The following ECSIT variants were observed in gnomAD, a reference collection of about 807,000 sequenced individuals.
ECSIT encodes evolutionarily conserved signaling intermediate in Toll pathway, mitochondrial.
In ECSIT, 29 loss-of-function variants were observed where a neutral mutation model predicts 36.8. That is an observed-to-expected ratio of 0.79 (90% CI 0.59 to 1.08). The LOEUF (loss-of-function observed/expected upper bound fraction) is 1.08, where lower values mean the gene tolerates loss of function less well. Ranked by LOEUF, ECSIT falls within the 50% of genes least tolerant of loss-of-function variation. ECSIT has a pLI of 0.00. For missense variants in ECSIT, 542 were observed against 581.0 expected (o/e 0.93, Z 0.69); for synonymous variants, 231 against 234.8 (o/e 0.98, Z 0.15).
chr19:11,516,789 G>A (rs899917043), intron 2 of ECSIT, among the ~76,000 whole-genome samples: 4 of 151,524 alleles, frequency 2.6e-5, no homozygotes, highest in South Asian at 4.2e-4. Context: ...AGGCTGAGGC[G>A]GGCAGATCAC....
intron 1 of ECSIT, among the ~76,000 whole-genome samples, chr19:11,520,146 GT>G (rs1972073205): frequency 6.6e-6 from 1 of 151,856 alleles, no homozygotes; most frequent in Non-Finnish European, 1.5e-5. Context: ...TTTATGATTG[GT>G]TTCCTTCACT....
intron 2 of ECSIT, among the ~76,000 whole-genome samples, chr19:11,514,680 C>T (rs958605370): frequency 6.6e-6 from 1 of 152,060 alleles, no homozygotes; most frequent in South Asian, 2.1e-4. Flanking sequence ...CACCACCACA[C>T]CTGGCTAATT....
intron 1 of ECSIT, among the ~76,000 whole-genome samples, chr19:11,527,008 C>T (rs1972229018): frequency 6.6e-6 from 1 of 152,098 alleles, no homozygotes; most frequent in Non-Finnish European, 1.5e-5. Context: ...GTGTGAGCCA[C>T]CACACCCAGC....
chr19:11,519,010 A>T lies in ECSIT; in HGVS notation c.96+65T>A. 7.3e-7 allele frequency: 1 copy of T among 1,362,190 alleles called. No individual in the cohort carries two copies. Among genetic ancestry groups the T allele is most frequent in the Non-Finnish European group, 1.0e-6 (1 of 973,888 alleles). 84.4% of individuals were successfully genotyped at this position (1,362,190 alleles called of 1,614,324 possible). A position where few individuals can be genotyped will look rare whatever the true frequency, so the allele number is the denominator to read the frequency against. On this transcript the variant is annotated intron_variant, in intron 2 of 7. Coordinates refer to ENST00000270517, the MANE Select transcript of ECSIT (RefSeq NM_016581.5). This position sits in a 1 kb window ranked among gnomAD's most constrained non-coding sequence, Gnocchi z 4.4. ...ACTGGCTTCACAGAGTGGATTCTGA[A>T]GGAGTTGGGAGCAAATCCCAAGCTT...
intron 1 of ECSIT, chr19:11,522,094 C>A: frequency 2.8e-6 from 1 of 357,434 alleles, no homozygotes; most frequent in Non-Finnish European, 5.4e-6. Context: ...TGCCAAGTCC[C>A]ACTTCTGGTA....
intron 1 of ECSIT, among the ~76,000 whole-genome samples, chr19:11,521,215 A>G (rs1170429907): frequency 3.3e-5 from 5 of 152,164 alleles, no homozygotes. Flanking sequence ...TTTGACTGTT[A>G]TAACTACTAC....
chr19:11,518,984 A>T, intron 2 of ECSIT, 91 bp downstream of exon 2: 1 of 1,104,070 alleles, frequency 9.1e-7, no homozygotes, highest in South Asian at 1.3e-5. Context: ...GACTCACCAG[A>T]ACTGGCTTCA....
Position 11,513,297 on chromosome 19 carries a change from A to G in ECSIT, c.515-18T>C. The G allele has an allele frequency of 3.1e-6, 5 of 1,606,338 alleles. No individual in the cohort carries two copies. Among genetic ancestry groups the G allele is most frequent in the Non-Finnish European group, 4.3e-6 (5 of 1,173,046 alleles). On this transcript the variant is annotated intron_variant, in intron 3 of 7. Transcript: ENST00000270517. ...CATCACACCTGTGCTGGGCAGATGCAGGCAGAACCTCAGAGATGGAGGGGG... is the reference window on the plus strand; with the variant it reads ...CATCACACCTGTGCTGGGCAGATGCGGGCAGAACCTCAGAGATGGAGGGGG...
At chr19:11,510,475 G>C (rs1971847244) in intron 4 of ECSIT, 1 of 152,078 alleles carries the variant, frequency 6.6e-6, no homozygotes, top group Non-Finnish European at 1.5e-5. Context: ...ACTGTGCCTG[G>C]CTGTATTTTA....
intron 2 of ECSIT, among the ~76,000 whole-genome samples, chr19:11,514,783 A>G (rs1206543405): frequency 2.0e-5 from 3 of 151,530 alleles, no homozygotes; most frequent in African/African-American, 4.9e-5. Context: ...TCCACCTCCC[A>G]AAGTGTTGGG....
intron 3 of ECSIT, among the ~76,000 whole-genome samples, 200 bp from the exon 4 acceptor site, chr19:11,513,479 G>A (rs1053891938): frequency 6.6e-6 from 1 of 151,038 alleles, no homozygotes; most frequent in Non-Finnish European, 1.5e-5. Context: ...GAGTCCAGGA[G>A]TTTGAGAGCA....
intron 2 of ECSIT, among the ~76,000 whole-genome samples, chr19:11,514,684 G>A (rs991402533): frequency 1.6e-4 from 24 of 152,038 alleles, no homozygotes; most frequent in African/African-American, 5.8e-4. Context: ...ACCACACCTG[G>A]CTAATTTTTA....
chr19:11,515,630 T>G (rs1303526462), intron 2 of ECSIT, among the ~76,000 whole-genome samples: 1 of 151,926 alleles, frequency 6.6e-6, no homozygotes, highest in Non-Finnish European at 1.5e-5. Context: ...CTAATTTTTA[T>G]GTTTTGTTTG....
chr19:11,515,823 A>G (rs553583757), intron 2 of ECSIT, among the ~76,000 whole-genome samples: 64 of 152,034 alleles, frequency 4.2e-4, no homozygotes, highest in Non-Finnish European at 7.1e-4. Flanking sequence ...TAGTAGAGAC[A>G]GGGTTTCACC....
Position 11,519,155 on chromosome 19 carries a change from C to T in ECSIT, c.16G>A (p.Ala6Thr). ...CAGAGGCCTCGGGCCAGTAGGGTGG[C>T]CTGGACCCAGCTCATGCCTCTGCTT... MSWVQATLLARGLCRA... is the reference protein window; with the variant it reads MSWVQTTLLARGLCRA... Residue 6 changes from alanine to threonine, a missense_variant, in exon 2 of 8, where the codon GCC becomes ACC. Physicochemically the swap from Ala to Thr is moderately conservative, Grantham distance 58 (BLOSUM62 0). Coordinates refer to ENST00000270517, the MANE Select transcript of ECSIT (RefSeq NM_016581.5). This position sits in a 1 kb window ranked among gnomAD's most constrained non-coding sequence, Gnocchi z 4.4. 1 of 1,550,166 alleles carries T rather than the reference C, an allele frequency of 6.5e-7. No individual in the cohort carries two copies. The highest frequency in any genetic ancestry group is 8.7e-7 in the Non-Finnish European group (1 of 1,146,964).
chr19:11,518,956 C>T, intron 2 of ECSIT, 119 bp downstream of exon 2: 2 of 813,172 alleles, frequency 2.5e-6, no homozygotes, highest in Middle Eastern at 2.4e-4. Flanking sequence ...GGGACCTCGG[C>T]ACTGATAGGC....
intron 1 of ECSIT, chr19:11,523,872 G>T: frequency 2.0e-6 from 1 of 491,156 alleles, no homozygotes. Flanking sequence ...TAAGTTAATT[G>T]ACTGTTATGT....
chr19:11,520,220 G>C (rs1972074467), intron 1 of ECSIT, among the ~76,000 whole-genome samples: 1 of 151,966 alleles, frequency 6.6e-6, no homozygotes, highest in Admixed American at 6.6e-5. Flanking sequence ...CACCCAGGCT[G>C]AAGTGCAATA....
intron 7 of ECSIT, among the ~76,000 whole-genome samples, 174 bp downstream of exon 7, chr19:11,507,282 CT>C (rs60161140): frequency 0.01 from 1,392 of 133,456 alleles, 5 homozygotes; most frequent in Non-Finnish European, 0.016. Flanking sequence ...AGGTTTTTGC[CT>C]TTTTTTTTTT....
Sources: allele counts gnomAD v4.1 joint callset (sites outside exome capture counted in the v4.1 genomes callset), GRCh38; gene constraint gnomAD v4.1.1; non-coding constraint Gnocchi (gnomAD v3.1); transcripts MANE v1.5; gene names NCBI Gene and HGNC (gene_info 2026-07-23, HGNC 2026-07-21).